The following PDZD8 variants were observed in gnomAD, a reference collection of about 807,000 sequenced individuals.
PDZD8 encodes PDZ domain containing 8.
PDZD8 carries 14 observed loss-of-function variants against 85.8 expected under a neutral mutation model. That is an observed-to-expected ratio of 0.16 (90% CI 0.11 to 0.26). The LOEUF is 0.26. Among genes scored for constraint, PDZD8 ranks in the 10% least tolerant of loss-of-function variants. The pLI is 1.00. For missense variants in PDZD8, 1,197 were observed against 1,424.3 expected, an observed-to-expected ratio of 0.84 and a Z score of 2.57; for synonymous variants, 592 against 568.6, an observed-to-expected ratio of 1.04 and a Z score of -0.59.
At chr10:117,364,179 T>TGG (rs918280497) in intron 1 of PDZD8, among the ~76,000 whole-genome samples, 28 of 86,282 alleles carry the variant, frequency 3.2e-4, no homozygotes, top group Non-Finnish European at 5.3e-4. Context: ...ACATAATTTA[T>TGG]GGGTGTGTGT....
At chr10:117,348,852 T>G (rs1844752248) in intron 1 of PDZD8, among the ~76,000 whole-genome samples, 1 of 152,146 alleles carries the variant, frequency 6.6e-6, no homozygotes, top group African/African-American at 2.4e-5. Flanking sequence ...TACAGTCCCT[T>G]AACTGACTTG....
At chr10:117,341,238 A>AC in intron 1 of PDZD8, 136 bp from the exon 2 acceptor site, 2 of 894,230 alleles carry the variant, frequency 2.2e-6, no homozygotes, top group Non-Finnish European at 3.3e-6. Context: ...ACCAAAGCTT[A>AC]CCACACTCCC....
intron 2 of PDZD8, among the ~76,000 whole-genome samples, chr10:117,329,166 T>C (rs1249258963): frequency 6.6e-6 from 1 of 152,216 alleles, no homozygotes; most frequent in Non-Finnish European, 1.5e-5. Flanking sequence ...ATATTTTGCA[T>C]AAATATAAAC....
intron 3 of PDZD8, among the ~76,000 whole-genome samples, chr10:117,298,228 G>A (rs1417690461): frequency 1.3e-5 from 2 of 151,994 alleles, no homozygotes; most frequent in African/African-American, 4.8e-5. Context: ...AAAAGAATTA[G>A]AACTTGTAAT....
intron 2 of PDZD8, among the ~76,000 whole-genome samples, chr10:117,322,277 T>C (rs559670298): frequency 1.3e-5 from 2 of 152,334 alleles, no homozygotes; most frequent in South Asian, 4.1e-4. Context: ...GAAGGAGATT[T>C]CTGATGACCC....
intron 3 of PDZD8, among the ~76,000 whole-genome samples, chr10:117,294,904 T>A (rs539379256): frequency 6.6e-6 from 1 of 152,164 alleles, no homozygotes; most frequent in South Asian, 2.1e-4. Context: ...AAAGTTACAG[T>A]TAGGAGGTAT....
At chr10:117,327,622 T>C (rs2133823783) in intron 2 of PDZD8, among the ~76,000 whole-genome samples, 1 of 152,318 alleles carries the variant, frequency 6.6e-6, no homozygotes, top group East Asian at 1.9e-4. Flanking sequence ...TCATTCTATT[T>C]GCAGAACAGA....
intron 3 of PDZD8, among the ~76,000 whole-genome samples, chr10:117,310,988 A>C (rs1372122714): frequency 2.0e-5 from 3 of 152,208 alleles, no homozygotes; most frequent in Non-Finnish European, 4.4e-5. Flanking sequence ...ATGTACATTC[A>C]ACAATACATG....
intron 2 of PDZD8, among the ~76,000 whole-genome samples, chr10:117,329,164 CAT>C (rs1444543320): frequency 6.6e-6 from 1 of 152,116 alleles, no homozygotes; most frequent in African/African-American, 2.4e-5. Context: ...AAATATTTTG[CAT>C]AAATATAAAC....
Position 117,280,579 on chromosome 10 carries a change from C to T in PDZD8, c.*2689G>A, listed in dbSNP as rs1005485374. 1 of 152,158 alleles carries T rather than the reference C, an allele frequency of 6.6e-6. No homozygotes were observed. Among genetic ancestry groups the T allele is most frequent in the African/African-American group, 2.4e-5 (1 of 41,436 alleles). The allele number at this position is 152,158 out of a possible 1,614,324, so 9.4% of individuals were successfully genotyped here. ...ATTACATCAGTAATGTAATATAATA[C>T]AGCTTTTTTCATTGAAGCTTTGTAC... is the stretch of plus-strand genomic sequence containing the variant. On this transcript the variant is annotated 3_prime_UTR_variant, in exon 5 of 5. Coordinates refer to ENST00000334464, the MANE Select transcript of PDZD8 (RefSeq NM_173791.5).
chr10:117,295,685 G>C (rs1259474149), intron 3 of PDZD8, among the ~76,000 whole-genome samples: 1 of 151,946 alleles, frequency 6.6e-6, no homozygotes, highest in Non-Finnish European at 1.5e-5. Flanking sequence ...CATTAAAAAA[G>C]ATAATAATCA....
intron 1 of PDZD8, among the ~76,000 whole-genome samples, chr10:117,344,864 C>G (rs1844678036): frequency 6.6e-6 from 1 of 152,262 alleles, no homozygotes; most frequent in South Asian, 2.1e-4. Context: ...TTGACCCAGC[C>G]CCCACTCATG....
In PDZD8 at chr10:117,375,145, C is replaced by A. The variant is rs1845278757; in HGVS notation, c.83G>T (p.Arg28Leu). ...GTCCGCCGGCGGCTCGGGCTGTCTG[C>A]GGTACAGCAGGAAGAACTGGGCGAG... ...TLLAQFFLLY[R>L]RQPEPPADEA... Residue 28 changes from arginine to leucine, a missense_variant, in exon 1 of 5, where the codon CGC becomes CTC. Around this residue, in one of 4 missense-constraint regions of PDZD8, gnomAD observed 172 missense variants for 137.8 expected, o/e 1.25. Transcript: ENST00000334464. 7 of 1,589,058 alleles carry A rather than the reference C, an allele frequency of 4.4e-6. No individual in the cohort carries two copies. The South Asian group carries it at 4.5e-5, about 10-fold the overall frequency.
intron 3 of PDZD8, among the ~76,000 whole-genome samples, chr10:117,297,124 G>C (rs1241758659): frequency 6.6e-6 from 1 of 152,044 alleles, no homozygotes; most frequent in Non-Finnish European, 1.5e-5. Flanking sequence ...GATTTGAACA[G>C]ATACTTCACA....
intron 4 of PDZD8, among the ~76,000 whole-genome samples, chr10:117,289,145 A>C (rs543567530): frequency 1.3e-5 from 2 of 152,314 alleles, no homozygotes; most frequent in African/African-American, 4.8e-5. Flanking sequence ...ACATTTTAAC[A>C]TCAGGTCTGG....
Position 117,283,297 on chromosome 10 carries a change from C to A in PDZD8, c.3436G>T (p.Asp1146Tyr), listed in dbSNP as rs1844598931. ...DSQPFSSISD[D>Y]LFGPSESV ...ACAGACTCGGATGGGCCAAATAAGT[C>A]ATCTGATATGCTGCTGAATGGCTGA... is the stretch of plus-strand genomic sequence containing the variant. Residue 1146 changes from aspartate to tyrosine, a missense_variant, in exon 5 of 5, where the codon GAC (aspartate) becomes TAC (tyrosine). Physicochemically the swap from Asp to Tyr is radical, Grantham distance 160. Coordinates refer to ENST00000334464, the MANE Select transcript of PDZD8 (RefSeq NM_173791.5). The A allele has an allele frequency of 6.2e-7, 1 of 1,612,594 alleles. No homozygotes were observed. Among genetic ancestry groups the A allele is most frequent in the Admixed American group, 1.7e-5 (1 of 59,698 alleles).
chr10:117,319,010 C>T lies in PDZD8; in HGVS notation c.996-36G>A, dbSNP rs993422229. Reference sequence around the variant, plus strand: ...AAACAAAACAAGGGAGAGTATCATACCTGTTATATTCATTAAAATTTTTCT... The same window carrying T: ...AAACAAAACAAGGGAGAGTATCATATCTGTTATATTCATTAAAATTTTTCT... On this transcript the variant is annotated intron_variant, in intron 2 of 4. Transcript: ENST00000334464. 9 of 1,363,158 alleles carry T rather than the reference C, an allele frequency of 6.6e-6. 1 individual carries two copies. The highest frequency in any genetic ancestry group is 9.4e-6 in the Non-Finnish European group (9 of 957,810). 84.4% of individuals were successfully genotyped at this position (1,363,158 alleles called of 1,614,324 possible).
intron 2 of PDZD8, among the ~76,000 whole-genome samples, chr10:117,325,905 G>A (rs1466799951): frequency 2.6e-5 from 4 of 152,164 alleles, no homozygotes; most frequent in Admixed American, 1.3e-4. Flanking sequence ...ACCAGGTGAA[G>A]GTAATTGGAT....
chr10:117,335,590 G>A (rs117905699), intron 2 of PDZD8, among the ~76,000 whole-genome samples: 310 of 152,220 alleles, frequency 2.0e-3, no homozygotes, highest in Non-Finnish European at 3.3e-3. Context: ...ATTTAAAAGC[G>A]AAAATCAGTA....
Sources: gnomAD v4.1 joint callset for allele counts (sites outside exome capture counted in the v4.1 genomes callset) on GRCh38, gnomAD v4.1.1 for gene constraint, gnomAD v4.1.1 regional missense constraint, MANE v1.5 for transcripts, NCBI Gene and HGNC (gene_info 2026-07-23, HGNC 2026-07-21) for gene names.